The following AFF3 variants were observed in gnomAD, a reference collection of about 807,000 sequenced individuals.
AFF3 encodes the protein AF4/FMR2 family member 3.
Under a neutral mutation model 129.7 loss-of-function variants are expected in AFF3, and 32 were observed. The observed-to-expected ratio is 0.25, with a 90% CI of 0.19 to 0.33. The LOEUF (loss-of-function observed/expected upper bound fraction) is 0.33, where lower values mean the gene tolerates loss of function less well. AFF3 is among the 10% of genes least tolerant of loss of function. The probability of loss-of-function intolerance (pLI) is 1.00; values close to 1 mark genes in which losing one functional copy is unlikely to be tolerated. For synonymous variants in AFF3, 644 were observed against 635.4 expected, an observed-to-expected ratio of 1.01 and a Z score of -0.20; for missense variants, 1,373 against 1,592.0, an observed-to-expected ratio of 0.86 and a Z score of 2.34.
rs1414645425 is a variant in AFF3 at position 99,727,141 on chromosome 2, G to C, written c.1040-13C>G. 6.2e-7 allele frequency: 1 copy of C among 1,606,456 alleles called. No individual in the cohort carries two copies. Among genetic ancestry groups the C allele is most frequent in the Admixed American group, 1.7e-5 (1 of 58,486 alleles). ...GCATCACCTTTCTCTTAAAAAGGAA[G>C]CAGAAAAAAATACCGACATATGAGT... is the stretch of plus-strand genomic sequence containing the variant. On this transcript the variant is annotated splice_polypyrimidine_tract_variant and intron_variant, in intron 10 of 24. Coordinates refer to ENST00000672756, the MANE Select transcript of AFF3 (RefSeq NM_001386135.1).
At chr2:99,554,204 G>T in intron 24 of AFF3, 107 bp downstream of exon 24, 2 of 1,177,036 alleles carry the variant, frequency 1.7e-6, no homozygotes, top group Non-Finnish European at 1.2e-6. Context: ...AATGAAGAAA[G>T]GATATACAAC....
chr2:99,902,447 A>C (rs1311055286), intron 7 of AFF3, among the ~76,000 whole-genome samples: 2 of 152,166 alleles, frequency 1.3e-5, no homozygotes, highest in Non-Finnish European at 2.9e-5. Flanking sequence ...GGGCATATTC[A>C]GCAGAATTCA....
intron 11 of AFF3, among the ~76,000 whole-genome samples, chr2:99,710,508 A>G (rs1677796992): frequency 1.3e-5 from 2 of 152,142 alleles, no homozygotes; most frequent in Non-Finnish European, 2.9e-5. Context: ...CAGCCTTCCA[A>G]AGTGTTGGTA....
intron 4 of AFF3, among the ~76,000 whole-genome samples, chr2:100,064,872 T>C (rs1440274046): frequency 6.6e-6 from 1 of 152,140 alleles, no homozygotes; most frequent in Non-Finnish European, 1.5e-5. Flanking sequence ...GATTAGATAC[T>C]CTCCATATAC....
Position 99,841,177 on chromosome 2 carries a change from G to A in AFF3, c.874-3653C>T, listed in dbSNP as rs536756915. Among the ~76,000 whole-genome samples the A allele has an allele frequency of 2.0e-5, 3 of 152,272 alleles. No homozygotes were observed. The South Asian group carries it at 6.2e-4, about 32-fold the overall frequency. On this transcript the variant is annotated intron_variant, in intron 7 of 24. Coordinates refer to ENST00000672756, the MANE Select transcript of AFF3 (RefSeq NM_001386135.1). Reference sequence around the variant, plus strand: ...TCACACTTTAATTTCCTTTGATGTAGTTTATATAAATGACAGGTTGCTTTT... The same window carrying A: ...TCACACTTTAATTTCCTTTGATGTAATTTATATAAATGACAGGTTGCTTTT...
chr2:99,954,972 C>CA (rs1308080218), intron 7 of AFF3, among the ~76,000 whole-genome samples: 14 of 147,620 alleles, frequency 9.5e-5, no homozygotes, highest in Non-Finnish European at 1.2e-4. Context: ...TTGGAAACTA[C>CA]AAAAAAAATA....
At chr2:99,814,857 T>TTC (rs1397341893) in intron 8 of AFF3, among the ~76,000 whole-genome samples, 3 of 151,104 alleles carry the variant, frequency 2.0e-5, no homozygotes, top group Non-Finnish European at 4.4e-5. Flanking sequence ...ATTATACTTT[T>TTC]TTTTTTTTTT....
intron 12 of AFF3, among the ~76,000 whole-genome samples, chr2:99,661,445 T>C (rs1244563345): frequency 1.3e-5 from 2 of 152,250 alleles, no homozygotes; most frequent in African/African-American, 2.4e-5. Flanking sequence ...TTTGTCTTAA[T>C]TGTATGTTTG....
intron 7 of AFF3, among the ~76,000 whole-genome samples, chr2:99,924,619 G>T (rs1188760480): frequency 6.6e-6 from 1 of 152,064 alleles, no homozygotes; most frequent in Non-Finnish European, 1.5e-5. Flanking sequence ...TGAGGAGGAG[G>T]GTTAAGGAGT....
chr2:99,672,176 TCTCACACACACACA>T (rs1257818621), intron 12 of AFF3, among the ~76,000 whole-genome samples: 539 of 37,264 alleles, frequency 0.014, 6 homozygotes, highest in African/African-American at 0.049. Context: ...CCAGTTAGCT[TCTCACACACACACA>T]CACACACACA....
At chr2:99,819,086 A>C (rs1558880657) in intron 8 of AFF3, among the ~76,000 whole-genome samples, 1 of 152,232 alleles carries the variant, frequency 6.6e-6, no homozygotes, top group Non-Finnish European at 1.5e-5. Context: ...GCACCTAAAA[A>C]CAGTTGAACA....
At chr2:99,962,245 T>C (rs1343779121) in intron 7 of AFF3, among the ~76,000 whole-genome samples, 1 of 152,114 alleles carries the variant, frequency 6.6e-6, no homozygotes, top group Non-Finnish European at 1.5e-5. Flanking sequence ...CAGACCAAAG[T>C]AGCACTACAA....
chr2:100,015,710 C>G (rs956265566), intron 4 of AFF3, among the ~76,000 whole-genome samples: 9 of 152,114 alleles, frequency 5.9e-5, no homozygotes, highest in Non-Finnish European at 1.2e-4. Flanking sequence ...GACTGAAAGG[C>G]AGAAAGACAG....
chr2:99,786,006 C>T (rs907613852), intron 8 of AFF3, among the ~76,000 whole-genome samples: 3 of 152,214 alleles, frequency 2.0e-5, no homozygotes, highest in Admixed American at 6.5e-5. Context: ...GCCTTGACCT[C>T]CCAAAGTGCT....
intron 13 of AFF3, among the ~76,000 whole-genome samples, chr2:99,628,723 A>ATTTTTTTTTTTTTT (rs3073407): frequency 2.2e-5 from 2 of 92,398 alleles, no homozygotes; most frequent in Admixed American, 1.4e-4. Context: ...TGCTTGACTG[A>ATTTTTTTTTTTTTT]TTTTTTTTTT....
intron 13 of AFF3, among the ~76,000 whole-genome samples, chr2:99,609,159 A>C (rs1036792952): frequency 6.6e-6 from 1 of 152,214 alleles, no homozygotes; most frequent in African/African-American, 2.4e-5. Context: ...CTCCATAGAC[A>C]GAGCAGTTAC....
intron 13 of AFF3, among the ~76,000 whole-genome samples, chr2:99,648,310 G>A (rs368638883): frequency 9.4e-3 from 201 of 21,316 alleles, no homozygotes; most frequent in African/African-American, 0.036. Context: ...TTTCCCTTGC[G>A]TCTCAGTGCA....
intron 1 of AFF3, among the ~76,000 whole-genome samples, chr2:100,132,995 T>C (rs937204133): frequency 6.6e-6 from 1 of 151,386 alleles, no homozygotes; most frequent in African/African-American, 2.4e-5. Flanking sequence ...AGAGGTGTGA[T>C]CAGCTCACGG....
chr2:99,947,234 A>T (rs996624550), intron 7 of AFF3, among the ~76,000 whole-genome samples: 1 of 152,130 alleles, frequency 6.6e-6, no homozygotes, highest in Non-Finnish European at 1.5e-5. Context: ...TGAGGTCAGG[A>T]GTTCGAGACC....
Sources: gnomAD v4.1 joint callset for allele counts (sites outside exome capture counted in the v4.1 genomes callset) on GRCh38, gnomAD v4.1.1 for gene constraint, MANE v1.5 for transcripts, NCBI Gene and HGNC (gene_info 2026-07-23, HGNC 2026-07-21) for gene names.